WRN: variants seen among roughly 807,000 people sequenced by gnomAD.
The protein encoded by WRN is WRN RecQ like helicase.
WRN carries 149 observed loss-of-function variants against 180.7 expected under a neutral mutation model. The ratio of observed to expected loss-of-function variants is 0.82; its 90% CI spans 0.72 to 0.94. WRN has a LOEUF of 0.94. WRN is among the 40% of genes least tolerant of loss of function. WRN has a pLI of 0.00. For missense variants in WRN, 1,661 were observed against 1,700.1 expected, an observed-to-expected ratio of 0.98 and a Z score of 0.40; for synonymous variants, 548 against 568.9, an observed-to-expected ratio of 0.96 and a Z score of 0.52.
At chr8:31,037,213 A>C (rs1357637823) in intron 1 of WRN, among the ~76,000 whole-genome samples, 1 of 152,238 alleles carries the variant, frequency 6.6e-6, no homozygotes, top group Admixed American at 6.5e-5. Flanking sequence ...AGGTTCTTCT[A>C]AGGAGCATAC....
intron 34 of WRN, 53 bp from the exon 35 acceptor site, chr8:31,172,942 C>T (rs972660149): frequency 1.3e-6 from 2 of 1,555,736 alleles, no homozygotes; most frequent in Non-Finnish European, 8.8e-7. Context: ...GCAACTAATA[C>T]CCCTTCTCAG....
chr8:31,037,559 T>C (rs1811496615), intron 1 of WRN, among the ~76,000 whole-genome samples: 1 of 152,218 alleles, frequency 6.6e-6, no homozygotes, highest in Non-Finnish European at 1.5e-5. Context: ...TTTGAGTTGA[T>C]GCTGTATGTG....
chr8:31,167,347 A>G (rs978024449), intron 34 of WRN, 117 bp downstream of exon 34: 5 of 844,096 alleles, frequency 5.9e-6, no homozygotes, highest in Non-Finnish European at 5.6e-6. Context: ...TACTTTCTCT[A>G]TGTGCTACAT....
intron 31 of WRN, among the ~76,000 whole-genome samples, chr8:31,151,489 C>T (rs1803124792): frequency 6.6e-6 from 1 of 152,090 alleles, no homozygotes; most frequent in Non-Finnish European, 1.5e-5. Flanking sequence ...TTATATAAGA[C>T]ATCATGTGAA....
intron 33 of WRN, among the ~76,000 whole-genome samples, chr8:31,159,596 C>T (rs1400231348): frequency 1.3e-5 from 2 of 151,738 alleles, no homozygotes; most frequent in Non-Finnish European, 2.9e-5. Flanking sequence ...AAGACCAAAG[C>T]CACCCATAAG....
intron 34 of WRN, among the ~76,000 whole-genome samples, chr8:31,170,616 T>C (rs967622029): frequency 6.6e-6 from 1 of 152,148 alleles, no homozygotes; most frequent in Non-Finnish European, 1.5e-5. Context: ...AGCAAATGAG[T>C]TGATGTTTCC....
At chr8:31,114,347 A>T (rs1801431644) in intron 19 of WRN, among the ~76,000 whole-genome samples, 1 of 152,196 alleles carries the variant, frequency 6.6e-6, no homozygotes, top group Admixed American at 6.5e-5. Context: ...TGAGTCTCTC[A>T]TATAATTTAG....
chr8:31,163,233 T>G (rs958575906), intron 33 of WRN, among the ~76,000 whole-genome samples: 3 of 152,234 alleles, frequency 2.0e-5, no homozygotes, highest in African/African-American at 7.2e-5. Context: ...AAATTTCATA[T>G]TATATTATTC....
chr8:31,170,075 C>T (rs1469912914), intron 34 of WRN, among the ~76,000 whole-genome samples: 1 of 152,184 alleles, frequency 6.6e-6, no homozygotes, highest in East Asian at 1.9e-4. Flanking sequence ...TCTGCTTTCT[C>T]CCGTACAGAT....
At chr8:31,104,234 C>A (rs145936413) in intron 18 of WRN, among the ~76,000 whole-genome samples, 1 of 152,224 alleles carries the variant, frequency 6.6e-6, no homozygotes, top group African/African-American at 2.4e-5. Context: ...TTTGTTGTTG[C>A]AACTGTTTTT....
At chr8:31,093,566 C>A (rs890487552) in intron 16 of WRN, among the ~76,000 whole-genome samples, 2 of 152,062 alleles carry the variant, frequency 1.3e-5, no homozygotes, top group African/African-American at 2.4e-5. Flanking sequence ...TTATAAAAAT[C>A]TTTTTTGTGA....
In WRN at chr8:31,125,219, T is replaced by G. The variant is rs371966350; in HGVS notation, c.2825+219T>G. Among the ~76,000 whole-genome samples the G allele has an allele frequency of 3.9e-5, 6 of 151,906 alleles. 1 individual carries two copies. ...CTAAATCTAAACATATCAATAGTTA[T>G]GTTAAATGTAAATGATCTAAAATAT... On this transcript the variant is annotated intron_variant, in intron 23 of 34. Coordinates refer to ENST00000298139, the MANE Select transcript of WRN (RefSeq NM_000553.6).
intron 7 of WRN, among the ~76,000 whole-genome samples, chr8:31,074,127 A>G (rs930844732): frequency 8.0e-5 from 12 of 149,314 alleles, no homozygotes; most frequent in Non-Finnish European, 1.5e-4. Context: ...GGGTTTCACC[A>G]TGTTAGCCAG....
At chr8:31,138,629 A>C (rs1802490295) in intron 24 of WRN, among the ~76,000 whole-genome samples, 1 of 152,202 alleles carries the variant, frequency 6.6e-6, no homozygotes, top group Non-Finnish European at 1.5e-5. Context: ...GGACTTGTTA[A>C]CAAGGTAGAA....
At position 31,147,451 on chromosome 8, in the gene WRN, A is replaced by G. The variant is rs1345787894; in HGVS notation, c.3547A>G (p.Ile1183Val). The G allele has an allele frequency of 1.2e-6, 2 of 1,613,820 alleles. No individual in the cohort carries two copies. Among genetic ancestry groups the G allele is most frequent in the Non-Finnish European group, 1.7e-6 (2 of 1,179,944 alleles). Residue 1183 changes from isoleucine (I) to valine (V), a missense_variant, in exon 30 of 35, where the codon ATA becomes GTA. Ile to Val is a conservative substitution (Grantham distance 29). This residue lies in a region of WRN where 1,141 missense variants were observed against 1,149.4 expected (regional missense o/e 0.99). Transcript: ENST00000298139. ...VPPAILATNK[I>V]LVDMAKMRPT... Reference sequence around the variant, plus strand: ...CCCAGCTATTCTGGCAACAAACAAGATACTGGTGGATATGGCCAAAATGAG... The same window carrying G: ...CCCAGCTATTCTGGCAACAAACAAGGTACTGGTGGATATGGCCAAAATGAG...
At chr8:31,045,403 A>ATTT (rs59456074) in intron 1 of WRN, among the ~76,000 whole-genome samples, 1 of 139,706 alleles carries the variant, frequency 7.2e-6, no homozygotes. Flanking sequence ...TTCCACACTA[A>ATTT]TTTTTTTTTT....
intron 30 of WRN, 104 bp downstream of exon 30, chr8:31,147,580 T>C: frequency 7.4e-6 from 8 of 1,074,930 alleles, no homozygotes; most frequent in Non-Finnish European, 1.1e-5. Context: ...CTGTCACATC[T>C]GGGAGGTGAC....
rs113258989 is a variant in WRN, at chr8:31,103,461, A to C, written c.2088+2506A>C. Reference sequence around the variant, plus strand: ...AAGACATTATGCTGGCTATGACATCACTTGGTGATAGGAATTTTTCAGCTC... The same window carrying C: ...AAGACATTATGCTGGCTATGACATCCCTTGGTGATAGGAATTTTTCAGCTC... On this transcript the variant is annotated intron_variant, in intron 18 of 34. Transcript: ENST00000298139. 1.1e-3 allele frequency among the ~76,000 whole-genome samples: 169 copies of C among 152,294 alleles called. 1 individual carries two copies. The highest frequency in any genetic ancestry group is 3.7e-3 in the African/African-American group (155 of 41,566).
chr8:31,083,071 G>GT (rs1457920453), intron 9 of WRN, among the ~76,000 whole-genome samples: 1 of 151,758 alleles, frequency 6.6e-6, no homozygotes, highest in Non-Finnish European at 1.5e-5. Context: ...TTTTTTGAGG[G>GT]TTTTCTTTCT....
Sources: gnomAD v4.1 joint callset for allele counts (sites outside exome capture counted in the v4.1 genomes callset) on GRCh38, gnomAD v4.1.1 for gene constraint, gnomAD v4.1.1 regional missense constraint, MANE v1.5 for transcripts, NCBI Gene and HGNC (gene_info 2026-07-23, HGNC 2026-07-21) for gene names.